Variants in RIC3 observed in about 807,000 individuals in gnomAD.
RIC3 encodes the protein RIC3 acetylcholine receptor chaperone, also known as protein RIC-3.
A neutral mutation model predicts 27.3 loss-of-function variants in RIC3; 28 were observed. The observed-to-expected ratio is 1.02, with a 90% CI of 0.76 to 1.41. The LOEUF is 1.41. Among genes scored for constraint, RIC3 ranks in the 40% most tolerant of loss-of-function variants. The pLI is 0.00. For missense variants in RIC3, 501 were observed against 444.7 expected, an observed-to-expected ratio of 1.13 and a Z score of -1.14; for synonymous variants, 184 against 160.4, an observed-to-expected ratio of 1.15 and a Z score of -1.11.
downstream of RIC3, chr11:8,101,382 T>C (rs1021987045): frequency 1.1e-5 from 15 of 1,422,196 alleles, no homozygotes; most frequent in Admixed American, 2.7e-4. Flanking sequence ...TCTCTGCTTC[T>C]CACTTGTTCT....
chr11:8,095,486 C>G, the RIC3 span: 1 of 1,602,722 alleles, frequency 6.2e-7, no homozygotes, highest in Admixed American at 1.7e-5. Flanking sequence ...CAGGCGTGTC[C>G]GTGGCCTGCA....
intron 1 of RIC3, among the ~76,000 whole-genome samples, chr11:8,146,588 G>C (rs1159495294): frequency 6.6e-6 from 1 of 152,192 alleles, no homozygotes; most frequent in East Asian, 1.9e-4. Flanking sequence ...CATGGCACAT[G>C]ACACAGCCCT....
intron 5 of RIC3, among the ~76,000 whole-genome samples, chr11:8,119,354 C>A (rs1007931523): frequency 6.6e-6 from 1 of 152,086 alleles, no homozygotes; most frequent in African/African-American, 2.4e-5. Context: ...GAGATATAGA[C>A]CAATGGAACA....
At chr11:8,095,061 T>G in the RIC3 span, among the ~76,000 whole-genome samples, 1 of 152,320 alleles carries the variant, frequency 6.6e-6, no homozygotes, top group Non-Finnish European at 1.5e-5. Context: ...ATGATGTATG[T>G]GAGTTACTGC....
chr11:8,095,946 C>G, the RIC3 span, among the ~76,000 whole-genome samples: 15 of 152,218 alleles, frequency 9.9e-5, no homozygotes, highest in African/African-American at 3.6e-4. Flanking sequence ...CTACTGGGAG[C>G]AGGGCCAGGA....
rs549014469 is a variant in RIC3 at position 8,155,185 on chromosome 11, C to T, written c.124+13681G>A. ...GTGGTGAGCTATGATCACACCACCG[C>T]GTGATCAGCCTGGGCAACAGGAGAC... On this transcript the variant is annotated intron_variant, in intron 1 of 5. Transcript: ENST00000309737. Among the ~76,000 whole-genome samples the T allele has an allele frequency of 6.3e-5, 9 of 142,346 alleles. 1 individual carries two copies. In the South Asian group the frequency reaches 6.6e-4, roughly 10 times the overall value. 93.4% of individuals were successfully genotyped at this position (142,346 alleles called of 152,430 possible).
At chr11:8,136,072 G>A (rs1261995515) in intron 4 of RIC3, among the ~76,000 whole-genome samples, 1 of 152,106 alleles carries the variant, frequency 6.6e-6, no homozygotes, top group Non-Finnish European at 1.5e-5. Context: ...CTGCTTTCCA[G>A]GCAAAAAGAA....
chr11:8,094,970 C>T, the RIC3 span, among the ~76,000 whole-genome samples: 1 of 152,232 alleles, frequency 6.6e-6, no homozygotes, highest in East Asian at 1.9e-4. Context: ...GGCAGGAAAG[C>T]TGACGTAGGA....
Position 8,122,856 on chromosome 11 carries a change from C to T in RIC3, c.670+3803G>A, listed in dbSNP as rs1470594665. On this transcript the variant is annotated intron_variant, in intron 5 of 5. Coordinates refer to ENST00000309737, the MANE Select transcript of RIC3 (RefSeq NM_001206671.4). ...TATCCATCATCCAATCAAAACCTAC[C>T]AGGTATGCAAAAAAAAAAAAAAAAA... 1.0e-4 allele frequency among the ~76,000 whole-genome samples: 11 copies of T among 109,914 alleles called. No individual in the cohort carries two copies. The Admixed American group carries it at 1.2e-3, about 12-fold the overall frequency. The allele number at this position is 109,914 out of a possible 152,430, so 72.1% of individuals were successfully genotyped here. A position where few individuals can be genotyped will look rare whatever the true frequency, so the allele number is the denominator to read the frequency against.
chr11:8,131,410 T>C (rs1404415620), intron 4 of RIC3, among the ~76,000 whole-genome samples: 4 of 152,120 alleles, frequency 2.6e-5, no homozygotes, highest in African/African-American at 9.7e-5. Flanking sequence ...AAAGGTAGAA[T>C]AGGTTCAGTT....
chr11:8,113,113 T>A (rs1052007257), intron 5 of RIC3, among the ~76,000 whole-genome samples: 1 of 152,180 alleles, frequency 6.6e-6, no homozygotes, highest in Non-Finnish European at 1.5e-5. Flanking sequence ...GATGGAATGC[T>A]AGGTAAAGTG....
At chr11:8,133,816 T>C (rs928699672) in intron 4 of RIC3, among the ~76,000 whole-genome samples, 1 of 152,052 alleles carries the variant, frequency 6.6e-6, no homozygotes, top group East Asian at 1.9e-4. Flanking sequence ...TATAGATAGA[T>C]GATGTACATG....
In RIC3 at chr11:8,151,254, G is replaced by C. The variant is rs148572191; in HGVS notation, c.125-11061C>G. On this transcript the variant is annotated intron_variant, in intron 1 of 5. Transcript: ENST00000309737. Reference sequence around the variant, plus strand: ...CTAATCATGTATCTGAAAAGGGTTAGTATCCAAAATATATAAAGAATTCTT... The same window carrying C: ...CTAATCATGTATCTGAAAAGGGTTACTATCCAAAATATATAAAGAATTCTT... 2.2e-3 allele frequency among the ~76,000 whole-genome samples: 335 copies of C among 152,250 alleles called. 2 individuals carry two copies. The highest frequency in any genetic ancestry group is 4.1e-3 in the Non-Finnish European group (280 of 68,020).
intron 3 of RIC3, 43 bp downstream of exon 3, chr11:8,138,229 T>C (rs1181025307): frequency 7.2e-7 from 1 of 1,385,248 alleles, no homozygotes; most frequent in Admixed American, 1.7e-5. Flanking sequence ...TAAAACTGTT[T>C]GACTCAATAA....
Position 8,126,765 on chromosome 11 carries a change from T to C in RIC3, c.564A>G (p.Leu188=), listed in dbSNP as rs573733649. Residue 188 remains leucine, a synonymous_variant, in exon 5 of 6, where the codon CTA becomes CTG. Transcript: ENST00000309737. ...CCCTGGTGATTTCTCGGAGCTGATG[T>C]AGCAACCGTTTCTCTTGGTCAGAAG... is the stretch of plus-strand genomic sequence containing the variant. ...TVTSDQEKRL[L]HQLREITRVM... 1.3e-5 allele frequency: 21 copies of C among 1,614,162 alleles called. No homozygotes were observed. Among genetic ancestry groups the C allele is most frequent in the East Asian group, 2.2e-5 (1 of 44,870 alleles).
chr11:8,139,809 T>C (rs760831043), intron 2 of RIC3, 158 bp downstream of exon 2: 8 of 667,926 alleles, frequency 1.2e-5, no homozygotes, highest in Middle Eastern at 8.2e-4. Flanking sequence ...ACTGAAATAA[T>C]GGCTATCCTA....
chr11:8,096,874 T>C, the RIC3 span: 7 of 1,559,710 alleles, frequency 4.5e-6, no homozygotes, highest in Non-Finnish European at 6.2e-6. Context: ...GTGGACTGCA[T>C]GTGAAGAGAT....
chr11:8,142,015 G>A (rs1186647327), intron 1 of RIC3, among the ~76,000 whole-genome samples: 76 of 150,466 alleles, frequency 5.1e-4, no homozygotes, highest in East Asian at 9.8e-4. Context: ...TCTCTGGGAC[G>A]CATTCAAAGC....
chr11:8,122,864 CAAAAAAAAAA>C (rs55826618), intron 5 of RIC3, among the ~76,000 whole-genome samples: 1 of 63,514 alleles, frequency 1.6e-5, no homozygotes, highest in Non-Finnish European at 3.1e-5. Context: ...ACCAGGTATG[CAAAAAAAAAA>C]AAAAAAAAAA....
Sources: gnomAD v4.1 joint callset for allele counts (sites outside exome capture counted in the v4.1 genomes callset) on GRCh38, gnomAD v4.1.1 for gene constraint, MANE v1.5 for transcripts, NCBI Gene and HGNC (gene_info 2026-07-23, HGNC 2026-07-21) for gene names.